The following CCDC14 variants were observed in gnomAD, a reference collection of about 807,000 sequenced individuals.
CCDC14 encodes the protein coiled-coil domain containing 14, also known as coiled-coil domain-containing protein 14.
Under a neutral mutation model 81.4 loss-of-function variants are expected in CCDC14, and 71 were observed. The observed-to-expected ratio is 0.87, with a 90% CI of 0.72 to 1.06. The LOEUF is 1.06. Among genes scored for constraint, CCDC14 ranks in the 50% least tolerant of loss-of-function variants. CCDC14 has a pLI of 0.00. For missense variants in CCDC14, 1,046 were observed against 1,047.3 expected, an observed-to-expected ratio of 1.00 and a Z score of 0.02; for synonymous variants, 332 against 364.8, an observed-to-expected ratio of 0.91 and a Z score of 1.03.
chr3:123,914,591 G>A lies in CCDC14; in HGVS notation c.*188C>T. 7.9e-7 allele frequency: 1 copy of A among 1,273,610 alleles called. No individual in the cohort carries two copies. Among genetic ancestry groups the A allele is most frequent in the South Asian group, 2.7e-5 (1 of 36,766 alleles). The allele number at this position is 1,273,610 out of a possible 1,614,324, so 78.9% of individuals were successfully genotyped here. A position where few individuals can be genotyped will look rare whatever the true frequency, so the allele number is the denominator to read the frequency against. ...ACAACTTTCTTCTTGTAGCAATTGT[G>A]AACTTAAGATGACTTGTTTTTATAA... On this transcript the variant is annotated 3_prime_UTR_variant, in exon 13 of 13. Transcript: ENST00000409697.
intron 9 of CCDC14, among the ~76,000 whole-genome samples, chr3:123,943,448 C>T (rs1183855041): frequency 6.6e-6 from 1 of 152,036 alleles, no homozygotes; most frequent in Non-Finnish European, 1.5e-5. Context: ...GCCATAGGAA[C>T]TAAAAATATA....
At position 123,941,167 on chromosome 3, in the gene CCDC14, T is replaced by G. The variant is rs139210915; in HGVS notation, c.1343+3682A>C. Among the ~76,000 whole-genome samples the G allele has an allele frequency of 2.8e-3, 430 of 152,074 alleles. 5 individuals are homozygous for G. The highest frequency in any genetic ancestry group is 9.6e-3 in the African/African-American group (399 of 41,500). ...CCCACCAAACTCCCATCCAGGAAAT[T>G]TGGAAATGTGCCAGGCCTTCTGGTG... On this transcript the variant is annotated intron_variant, in intron 9 of 12. Coordinates refer to ENST00000409697, the MANE Select transcript of CCDC14 (RefSeq NM_001366335.1).
chr3:123,912,426 A>G (rs2034468619), downstream of CCDC14, among the ~76,000 whole-genome samples: 1 of 152,144 alleles, frequency 6.6e-6, no homozygotes, highest in Admixed American at 6.5e-5. Flanking sequence ...TTAACTAAGA[A>G]CTTGACTTTT....
At chr3:123,934,249 C>A (rs982259051) in intron 9 of CCDC14, among the ~76,000 whole-genome samples, 1 of 105,390 alleles carries the variant, frequency 9.5e-6, no homozygotes, top group African/African-American at 3.9e-5. Context: ...TCCAGCCTGG[C>A]GAAAGAGTGA....
chr3:123,934,293 A>AAAAAAAAAAAAAC, intron 9 of CCDC14, among the ~76,000 whole-genome samples: 1 of 148,512 alleles, frequency 6.7e-6, no homozygotes, highest in African/African-American at 2.5e-5. Context: ...AAAAAAAAAA[A>AAAAAAAAAAAAAC]AACCCTCATG....
At chr3:123,943,228 C>A (rs750006051) in intron 9 of CCDC14, among the ~76,000 whole-genome samples, 3 of 151,886 alleles carry the variant, frequency 2.0e-5, no homozygotes, top group Non-Finnish European at 2.9e-5. Flanking sequence ...GCAGTCAAAA[C>A]CAAAAACATA....
chr3:123,915,683 T>A lies in CCDC14; in HGVS notation c.1814A>T (p.Asp605Val). The change falls in exon 13 of 13, where the codon GAT becomes GTT. Residue 605 changes from aspartate (D) to valine (V), a missense_variant. Coordinates refer to ENST00000409697, the MANE Select transcript of CCDC14 (RefSeq NM_001366335.1). ...GCAGCGAGCACTGTCCACACTAAGA[T>A]CGGAGAGAAGCTTTGCCATGCTAGT... ...LQTSMAKLLS[D>V]LSVDSARCKP... is the part of the protein sequence containing the mutation. 1 of 1,613,300 alleles carries A rather than the reference T, an allele frequency of 6.2e-7. No homozygotes were observed. Among genetic ancestry groups the A allele is most frequent in the Non-Finnish European group, 8.5e-7 (1 of 1,179,654 alleles).
intron 1 of CCDC14, 109 bp downstream of exon 1, chr3:123,961,035 C>T: frequency 1.0e-6 from 1 of 975,300 alleles, no homozygotes; most frequent in Non-Finnish European, 1.5e-6. Context: ...TTTAATGTCG[C>T]CGCATTGTCT....
At chr3:123,923,118 G>C (rs1368024289) in intron 12 of CCDC14, among the ~76,000 whole-genome samples, 1 of 152,044 alleles carries the variant, frequency 6.6e-6, no homozygotes, top group East Asian at 1.9e-4. Flanking sequence ...ATGCAAGGAT[G>C]GTTCAACGTA....
chr3:123,935,362 T>C (rs2035995659), intron 9 of CCDC14, among the ~76,000 whole-genome samples: 1 of 152,178 alleles, frequency 6.6e-6, no homozygotes, highest in South Asian at 2.1e-4. Context: ...TCCAACAAAA[T>C]GTAAAATGTT....
intron 12 of CCDC14, among the ~76,000 whole-genome samples, chr3:123,929,811 G>A (rs774663413): frequency 6.6e-6 from 1 of 152,138 alleles, no homozygotes; most frequent in Non-Finnish European, 1.5e-5. Context: ...TTGTGTCTCT[G>A]TGAATCTGCC....
At chr3:123,908,389 G>A (rs1371160938) in intron 5 of CCDC14, among the ~76,000 whole-genome samples, 3 of 152,034 alleles carry the variant, frequency 2.0e-5, no homozygotes, top group Non-Finnish European at 2.9e-5. Flanking sequence ...TGTAGTACAC[G>A]GCAGACAGCA....
chr3:123,949,343 T>C (rs1292871145), intron 5 of CCDC14: 1 of 555,018 alleles, frequency 1.8e-6, no homozygotes, highest in African/African-American at 1.9e-5. Context: ...AAAAATCATC[T>C]ATACTAATTC....
the CCDC14 span, among the ~76,000 whole-genome samples, chr3:123,889,447 G>T: frequency 1.3e-5 from 2 of 152,000 alleles, no homozygotes; most frequent in Non-Finnish European, 2.9e-5. Flanking sequence ...CAAAACAAAG[G>T]GGCTACAGGC....
At chr3:123,895,618 A>AT (rs1344854465), downstream of CCDC14, among the ~76,000 whole-genome samples, 1 of 152,174 alleles carries the variant, frequency 6.6e-6, no homozygotes, top group African/African-American at 2.4e-5. Flanking sequence ...CTGGGGAATA[A>AT]TTTTTTTGTT....
rs1163504416 is a variant in CCDC14, at chr3:123,955,829, GA to G, written c.352+13del. On this transcript the variant is annotated intron_variant, in intron 5 of 12. Coordinates refer to ENST00000409697, the MANE Select transcript of CCDC14 (RefSeq NM_001366335.1). ...AAGGATTATCTTTAAATAACTAAGA[GA>G]AAAAAGGCTTACATGTTTCTTTCTG... 4.0e-6 allele frequency: 6 copies of G among 1,493,046 alleles called. No individual in the cohort carries two copies. The African/African-American group carries it at 8.6e-5, about 21-fold the overall frequency. 92.5% of individuals were successfully genotyped at this position (1,493,046 alleles called of 1,614,324 possible).
chr3:123,891,456 C>T, the CCDC14 span, among the ~76,000 whole-genome samples: 2 of 152,200 alleles, frequency 1.3e-5, no homozygotes, highest in African/African-American at 4.8e-5. Context: ...GAATGCTTTG[C>T]TGTTTAGAAA....
chr3:123,918,024 T>C (rs1378213527), intron 12 of CCDC14, among the ~76,000 whole-genome samples: 1 of 152,184 alleles, frequency 6.6e-6, no homozygotes, highest in Non-Finnish European at 1.5e-5. Context: ...GTAAAGCATA[T>C]TTATTGATAG....
chr3:123,919,646 C>CTTTG (rs1407344773), intron 12 of CCDC14, among the ~76,000 whole-genome samples: 2 of 152,182 alleles, frequency 1.3e-5, no homozygotes, highest in Admixed American at 6.5e-5. Context: ...CTCCACTGAC[C>CTTTG]TCAAAGCACA....
Sources: gnomAD v4.1 joint callset for allele counts (sites outside exome capture counted in the v4.1 genomes callset) on GRCh38, gnomAD v4.1.1 for gene constraint, MANE v1.5 for transcripts, NCBI Gene and HGNC (gene_info 2026-07-23, HGNC 2026-07-21) for gene names.